NARS2: variants seen among roughly 807,000 people sequenced by gnomAD.
The protein encoded by NARS2 is asparaginyl-tRNA synthetase.
A neutral mutation model predicts 62.9 loss-of-function variants in NARS2; 60 were observed. The observed-to-expected ratio is 0.95, with a 90% confidence interval of 0.77 to 1.18. The LOEUF (loss-of-function observed/expected upper bound fraction) is 1.18, where lower values mean the gene tolerates loss of function less well. Ranked by LOEUF, NARS2 falls within the 50% of genes most tolerant of loss-of-function variation. The pLI, the probability that NARS2 is intolerant of heterozygous loss-of-function variation, is 0.00. For synonymous variants in NARS2, 196 were observed against 200.0 expected (o/e 0.98, Z 0.17); for missense variants, 619 against 576.4 (o/e 1.07, Z -0.76).
chr11:78,437,208 A>G (rs1857436138), intron 13 of NARS2, among the ~76,000 whole-genome samples: 2 of 152,182 alleles, frequency 1.3e-5, no homozygotes, highest in Admixed American at 6.5e-5. Context: ...CCTTCCCAAA[A>G]TCATATTGTT....
At chr11:78,484,627 G>A (rs1391556089) in intron 7 of NARS2, among the ~76,000 whole-genome samples, 2 of 151,866 alleles carry the variant, frequency 1.3e-5, no homozygotes, top group African/African-American at 4.8e-5. Flanking sequence ...ACAAACATAC[G>A]AAAAAAAGGT....
In NARS2 at chr11:78,436,707, A is replaced by G. The variant is rs758149157; in HGVS notation, c.1397T>C (p.Ile466Thr). Residue 466 changes from isoleucine (I) to threonine (T), a missense_variant, in exon 14 of 14, where the codon ATC becomes ACC. By Grantham distance (89) the Ile-to-Thr change is moderately conservative (BLOSUM62 -1). Transcript: ENST00000281038. ...ILGVDNIKDV[I>T]PFPRFPHSCL... The stretch of plus-strand genomic sequence containing the variant: ...TGAATGAGGAAACCTTGGGAAAGGG[A>G]TAACATCTTTGATATTGTCAACACC... The G allele has an allele frequency of 1.2e-6, 2 of 1,614,210 alleles. No homozygotes were observed. Among genetic ancestry groups the G allele is most frequent in the African/African-American group, 1.3e-5 (1 of 75,074 alleles).
At chr11:78,469,174 C>T (rs1270174182) in intron 10 of NARS2, 73 bp downstream of exon 10, 1 of 1,027,240 alleles carries the variant, frequency 9.7e-7, no homozygotes, top group East Asian at 2.4e-5. Flanking sequence ...TTGAAAGATT[C>T]TTAACACAGT....
At position 78,559,526 on chromosome 11, in the gene NARS2, AAGC is replaced by A; in HGVS notation, c.594+10_594+12del. ...ACAGCAATGTACCCCTCAAGATGGG[AAGC>A]AAAACTTACTTCAAGTTGAAAAAGT... On this transcript the variant is annotated intron_variant, in intron 5 of 13. Coordinates refer to ENST00000281038, the MANE Select transcript of NARS2 (RefSeq NM_024678.6). The A allele has an allele frequency of 6.4e-7, 1 of 1,570,586 alleles. No individual in the cohort carries two copies.
intron 4 of NARS2, 75 bp from the exon 5 acceptor site, chr11:78,559,694 T>C: frequency 1.0e-6 from 1 of 974,334 alleles, no homozygotes; most frequent in East Asian, 2.4e-5. Flanking sequence ...TCTTATAGTA[T>C]TAAAATGGCA....
intron 6 of NARS2, among the ~76,000 whole-genome samples, chr11:78,512,041 C>T (rs1860741203): frequency 6.6e-6 from 1 of 152,172 alleles, no homozygotes; most frequent in Non-Finnish European, 1.5e-5. Flanking sequence ...CTTCCAAGAA[C>T]AAAAGAATCT....
chr11:78,531,310 T>C (rs1861469410), intron 5 of NARS2, among the ~76,000 whole-genome samples: 1 of 151,704 alleles, frequency 6.6e-6, no homozygotes, highest in Non-Finnish European at 1.5e-5. Flanking sequence ...TTCTCCAGAG[T>C]AGACCATATA....
At chr11:78,551,808 G>T (rs566593640) in intron 5 of NARS2, among the ~76,000 whole-genome samples, 2 of 151,762 alleles carry the variant, frequency 1.3e-5, no homozygotes, top group Non-Finnish European at 2.9e-5. Context: ...CCAAGATTGC[G>T]CCATTGTACT....
At chr11:78,522,504 G>A (rs1371127273) in intron 6 of NARS2, among the ~76,000 whole-genome samples, 1 of 152,036 alleles carries the variant, frequency 6.6e-6, no homozygotes, top group Non-Finnish European at 1.5e-5. Flanking sequence ...AAGGATATGT[G>A]GCAATATTCC....
At chr11:78,492,992 C>A in intron 7 of NARS2, 71 bp downstream of exon 7, 1 of 1,378,606 alleles carries the variant, frequency 7.3e-7, no homozygotes. Flanking sequence ...ACATAAACGT[C>A]CGAGGTAAAA....
At position 78,569,746 on chromosome 11, in the gene NARS2, T is replaced by C. The variant is rs1246294659; in HGVS notation, c.252-994A>G. On this transcript the variant is annotated intron_variant, in intron 2 of 13. Transcript: ENST00000281038. Reference sequence around the variant, plus strand: ...GACTTAAAATATGTACTACCTGACATATATGAATATAAGTATATCCTAAGG... The same window carrying C: ...GACTTAAAATATGTACTACCTGACACATATGAATATAAGTATATCCTAAGG... Among the ~76,000 whole-genome samples the C allele has an allele frequency of 4.6e-5, 7 of 152,304 alleles. No individual in the cohort carries two copies. The East Asian group carries it at 1.4e-3, about 29-fold the overall frequency.
chr11:78,442,602 T>C (rs561973121), intron 12 of NARS2, among the ~76,000 whole-genome samples: 30 of 150,362 alleles, frequency 2.0e-4, no homozygotes, highest in African/African-American at 7.4e-4. Flanking sequence ...GAATGAAGCA[T>C]ACAGACATGG....
chr11:78,461,729 C>T (rs944945398), intron 11 of NARS2, among the ~76,000 whole-genome samples: 2 of 149,708 alleles, frequency 1.3e-5, no homozygotes, highest in South Asian at 4.2e-4. Flanking sequence ...GATGGACTGC[C>T]TGAGCTCAGT....
chr11:78,571,275 T>C (rs148064972), intron 2 of NARS2, 60 bp downstream of exon 2: 85 of 1,031,864 alleles, frequency 8.2e-5, no homozygotes, highest in Admixed American at 5.8e-4. Flanking sequence ...AGTAGGGAAG[T>C]GAGAAGCACT....
chr11:78,542,167 T>C (rs1290960729), intron 5 of NARS2, among the ~76,000 whole-genome samples: 1 of 152,236 alleles, frequency 6.6e-6, no homozygotes, highest in African/African-American at 2.4e-5. Context: ...AAAGGTTTCA[T>C]TTAAACAACT....
Position 78,574,589 on chromosome 11 carries a change from G to T in NARS2, c.-101C>A. On this transcript the variant is annotated 5_prime_UTR_variant, in exon 1 of 14. Coordinates refer to ENST00000281038, the MANE Select transcript of NARS2 (RefSeq NM_024678.6). ...TCTCAGCTGCTCCCCTTCCGCGGCC[G>T]CAGCTCTGCTCTAAGGCACTCCAGA... 7.3e-7 allele frequency: 1 copy of T among 1,365,496 alleles called. No homozygotes were observed. The highest frequency in any genetic ancestry group is 9.8e-7 in the Non-Finnish European group (1 of 1,024,524). The allele number at this position is 1,365,496 out of a possible 1,614,324, so 84.6% of individuals were successfully genotyped here.
intron 6 of NARS2, among the ~76,000 whole-genome samples, chr11:78,506,563 C>T (rs1860506580): frequency 6.6e-6 from 1 of 152,158 alleles, no homozygotes; most frequent in Non-Finnish European, 1.5e-5. Context: ...GAGATGGAGT[C>T]TCGCTCTGTT....
At chr11:78,519,734 C>G (rs529469359) in intron 6 of NARS2, among the ~76,000 whole-genome samples, 80 of 149,928 alleles carry the variant, frequency 5.3e-4, no homozygotes, top group African/African-American at 2.0e-3. Flanking sequence ...GAGTTTCACT[C>G]TTGTCGCCCA....
rs1341350672 is a variant in NARS2, at chr11:78,478,127, AAAGT to A, written c.959+307_959+310del. Among the ~76,000 whole-genome samples the A allele has an allele frequency of 5.3e-5, 8 of 152,126 alleles. No homozygotes were observed. In the South Asian group the frequency reaches 1.7e-3, roughly 31 times the overall value. On this transcript the variant is annotated intron_variant, in intron 9 of 13. Transcript: ENST00000281038. The stretch of plus-strand genomic sequence containing the variant: ...TAAATCAAGCCAAATTTTGATGACT[AAAGT>A]TAGTATAAGTTTGAATTATAGTTAC...
Sources: gnomAD v4.1 joint callset for allele counts (sites outside exome capture counted in the v4.1 genomes callset) on GRCh38, gnomAD v4.1.1 for gene constraint, MANE v1.5 for transcripts, NCBI Gene and HGNC (gene_info 2026-07-23, HGNC 2026-07-21) for gene names.